SUCLA2: variants seen among roughly 807,000 people sequenced by gnomAD.
The protein encoded by SUCLA2 is succinate-CoA ligase ADP-forming subunit beta.
Under a neutral mutation model 54.8 loss-of-function variants are expected in SUCLA2, and 30 were observed. The ratio of observed to expected loss-of-function variants is 0.55; its 90% CI spans 0.41 to 0.74. The LOEUF (loss-of-function observed/expected upper bound fraction) is 0.74. Ranked by LOEUF, SUCLA2 falls within the 30% of genes least tolerant of loss-of-function variation. The pLI is 0.00. For synonymous variants in SUCLA2, 172 were observed against 188.9 expected (o/e 0.91, Z 0.74); for missense variants, 476 against 562.9 (o/e 0.85, Z 1.56).
intron 4 of SUCLA2, among the ~76,000 whole-genome samples, chr13:47,975,359 C>A (rs1950003484): frequency 6.6e-6 from 1 of 151,972 alleles, no homozygotes; most frequent in South Asian, 2.1e-4. Context: ...CAGGGTTTTA[C>A]CATCTTGGCC....
chr13:47,972,397 G>A (rs895335299), intron 5 of SUCLA2, among the ~76,000 whole-genome samples: 6 of 152,070 alleles, frequency 3.9e-5, no homozygotes, highest in South Asian at 2.1e-4. Flanking sequence ...GGCTGGGCGC[G>A]CTGGCTCACG....
chr13:47,955,422 G>A (rs546867030), intron 6 of SUCLA2, among the ~76,000 whole-genome samples: 17 of 152,186 alleles, frequency 1.1e-4, no homozygotes, highest in African/African-American at 3.4e-4. Flanking sequence ...GGCTGGTCTC[G>A]AATTGCTGAC....
chr13:47,991,793 C>T (rs1175897993), intron 2 of SUCLA2: 1 of 152,210 alleles, frequency 6.6e-6, no homozygotes. Flanking sequence ...CACAGTACTA[C>T]AACTAGAGCT....
rs1320391120 is a variant in SUCLA2, at chr13:47,972,680, AAAAAG to A, written c.663+579_663+583del. ...CAAGACTCCGTCTTAAAAAAAAAAA[AAAAAG>A]AAAGAAAGAAAAGAAAAGAAATTAT... On this transcript the variant is annotated intron_variant, in intron 5 of 10. Transcript: ENST00000646932. Among the ~76,000 whole-genome samples the A allele has an allele frequency of 2.0e-5, 3 of 150,900 alleles. No homozygotes were observed. In the East Asian group the frequency reaches 5.8e-4, roughly 29 times the overall value.
At chr13:47,998,060 T>G (rs1156570850) in intron 1 of SUCLA2, among the ~76,000 whole-genome samples, 1 of 152,162 alleles carries the variant, frequency 6.6e-6, no homozygotes, top group African/African-American at 2.4e-5. Context: ...CTAAAATCCT[T>G]GGTAACATTT....
intron 4 of SUCLA2, chr13:47,988,257 A>G (rs1950119781): frequency 2.0e-6 from 1 of 495,714 alleles, no homozygotes; most frequent in East Asian, 3.3e-5. Flanking sequence ...GAGATGATCC[A>G]GAGATGATTT....
intron 2 of SUCLA2, among the ~76,000 whole-genome samples, chr13:47,995,327 TCAC>T (rs1389602209): frequency 2.0e-5 from 3 of 150,460 alleles, no homozygotes; most frequent in Non-Finnish European, 3.0e-5. Context: ...AACAAAAATT[TCAC>T]CACAATTAGT....
At chr13:47,970,440 T>C (rs992850337) in intron 5 of SUCLA2, among the ~76,000 whole-genome samples, 3 of 152,210 alleles carry the variant, frequency 2.0e-5, no homozygotes, top group African/African-American at 7.2e-5. Flanking sequence ...CCAGTCATCA[T>C]CTTCACGTAA....
intron 5 of SUCLA2, 37 bp from the exon 6 acceptor site, chr13:47,968,770 C>A (rs1949938871): frequency 6.2e-7 from 1 of 1,605,526 alleles, no homozygotes; most frequent in East Asian, 2.2e-5. Context: ...AGGTAGTTTG[C>A]ATATGTCTAA....
At chr13:47,978,036 T>A (rs1950031228) in intron 4 of SUCLA2, among the ~76,000 whole-genome samples, 1 of 151,996 alleles carries the variant, frequency 6.6e-6, no homozygotes, top group African/African-American at 2.4e-5. Context: ...GGAAAAACAT[T>A]CCATTCCATG....
intron 2 of SUCLA2, chr13:47,994,951 T>A: frequency 4.6e-6 from 3 of 658,720 alleles, no homozygotes; most frequent in African/African-American, 2.0e-5. Context: ...GCATCTGAAT[T>A]AATCCTATTC....
chr13:48,000,764 C>G, intron 1 of SUCLA2: 1 of 794,970 alleles, frequency 1.3e-6, no homozygotes, highest in South Asian at 3.6e-5. Flanking sequence ...CCACCTATGA[C>G]AGCTCCCAAG....
At position 47,963,730 on chromosome 13, in the gene SUCLA2, A is replaced by G. The variant is rs530876084; in HGVS notation, c.802+4865T>C. 8.5e-5 allele frequency among the ~76,000 whole-genome samples: 13 copies of G among 152,332 alleles called. 1 individual carries two copies. Among genetic ancestry groups the G allele is most frequent in the African/African-American group, 3.1e-4 (13 of 41,584 alleles). The stretch of plus-strand genomic sequence containing the variant: ...CAAACATATACATACACATACACAC[A>G]CACATACTTCTTGGTTCTGTTTGTT... On this transcript the variant is annotated intron_variant, in intron 6 of 10. Coordinates refer to ENST00000646932, the MANE Select transcript of SUCLA2 (RefSeq NM_003850.3).
chr13:47,953,251 A>G (rs1333326027), intron 8 of SUCLA2, among the ~76,000 whole-genome samples: 2 of 152,168 alleles, frequency 1.3e-5, no homozygotes, highest in Admixed American at 1.3e-4. Context: ...CCTAAAAGCC[A>G]TGCTTAGAAA....
chr13:47,965,220 C>G (rs562308878), intron 6 of SUCLA2, among the ~76,000 whole-genome samples: 2 of 151,646 alleles, frequency 1.3e-5, no homozygotes, highest in African/African-American at 4.8e-5. Flanking sequence ...CAGCAGATGC[C>G]AAAACTAATG....
At chr13:47,989,099 A>C (rs1282689067) in intron 2 of SUCLA2, 118 bp from the exon 3 acceptor site, 7 of 996,630 alleles carry the variant, frequency 7.0e-6, no homozygotes, top group Non-Finnish European at 1.1e-5. Flanking sequence ...TTTATTCACA[A>C]TGTCCAAAAA....
intron 6 of SUCLA2, 112 bp from the exon 7 acceptor site, chr13:47,954,669 T>A (rs1949804928): frequency 4.4e-6 from 5 of 1,136,960 alleles, no homozygotes; most frequent in African/African-American, 1.6e-5. Flanking sequence ...ATTTTGTTAC[T>A]TAATGAAAAT....
intron 6 of SUCLA2, among the ~76,000 whole-genome samples, chr13:47,962,813 G>A (rs1949881488): frequency 6.6e-6 from 1 of 152,002 alleles, no homozygotes; most frequent in Admixed American, 6.6e-5. Context: ...CTGTTCTTTT[G>A]GATAAACACA....
chr13:47,955,868 G>GA (rs1231347543), intron 6 of SUCLA2, among the ~76,000 whole-genome samples: 1 of 152,138 alleles, frequency 6.6e-6, no homozygotes, highest in Non-Finnish European at 1.5e-5. Flanking sequence ...ATACAGGGTT[G>GA]AAAGAAGCAA....
Sources: allele counts gnomAD v4.1 joint callset (sites outside exome capture counted in the v4.1 genomes callset), GRCh38; gene constraint gnomAD v4.1.1; transcripts MANE v1.5; gene names NCBI Gene and HGNC (gene_info 2026-07-23, HGNC 2026-07-21).